CDKAL1: variants seen among roughly 807,000 people sequenced by gnomAD.
CDKAL1 encodes the protein CDKAL1 threonylcarbamoyladenosine tRNA methylthiotransferase.
CDKAL1 carries 32 observed loss-of-function variants against 68.2 expected under a neutral mutation model. The ratio of observed to expected loss-of-function variants is 0.47; its 90% confidence interval spans 0.35 to 0.63. The LOEUF (loss-of-function observed/expected upper bound fraction) is 0.63. Ranked by LOEUF, CDKAL1 falls within the 30% of genes least tolerant of loss-of-function variation. The pLI is 0.00. For synonymous variants in CDKAL1, 234 were observed against 244.3 expected, an observed-to-expected ratio of 0.96 and a Z score of 0.39; for missense variants, 606 against 696.7, an observed-to-expected ratio of 0.87 and a Z score of 1.47.
intron 8 of CDKAL1, among the ~76,000 whole-genome samples, chr6:20,792,364 T>C (rs544317085): frequency 3.3e-5 from 5 of 152,336 alleles, no homozygotes; most frequent in African/African-American, 7.2e-5. Flanking sequence ...TTTTAAACAA[T>C]GTATGTACCT....
At chr6:20,660,512 C>A (rs1769238190) in intron 5 of CDKAL1, among the ~76,000 whole-genome samples, 1 of 152,146 alleles carries the variant, frequency 6.6e-6, no homozygotes, top group Non-Finnish European at 1.5e-5. Context: ...ATATTGTATT[C>A]CTGAGGGAAG....
chr6:21,098,015 A>G (rs888646486), intron 12 of CDKAL1, among the ~76,000 whole-genome samples: 1 of 152,150 alleles, frequency 6.6e-6, no homozygotes, highest in African/African-American at 2.4e-5. Flanking sequence ...TTAAGTAATT[A>G]TTTCTTCCCA....
At chr6:20,727,172 C>T (rs1311591145) in intron 5 of CDKAL1, among the ~76,000 whole-genome samples, 2 of 152,084 alleles carry the variant, frequency 1.3e-5, no homozygotes. Flanking sequence ...ACCCTTGACC[C>T]ACAGGTAACT....
At chr6:21,099,756 C>G (rs1773489522) in intron 12 of CDKAL1, among the ~76,000 whole-genome samples, 1 of 152,220 alleles carries the variant, frequency 6.6e-6, no homozygotes, top group Middle Eastern at 3.2e-3. Flanking sequence ...ATGTGGTGTA[C>G]TTAGTGCCCT....
rs115895715 is a variant in CDKAL1, at chr6:21,170,648, A to C, written c.1300-27373A>C. On this transcript the variant is annotated intron_variant, in intron 13 of 15. Coordinates refer to ENST00000274695, the MANE Select transcript of CDKAL1 (RefSeq NM_017774.3). ...CGACCGTACTTACCGGTTTTTAAAT[A>C]TTTTCTTTCTTATTAAGTTTGGCAT... Among the ~76,000 whole-genome samples the C allele has an allele frequency of 6.9e-3, 1,047 of 151,844 alleles. 7 individuals carry two copies. The highest frequency in any genetic ancestry group is 0.023 in the African/African-American group (953 of 41,386).
At chr6:20,748,319 T>G (rs2150335560) in intron 6 of CDKAL1, among the ~76,000 whole-genome samples, 1 of 151,878 alleles carries the variant, frequency 6.6e-6, no homozygotes, top group South Asian at 2.1e-4. Context: ...TGAAACCTTG[T>G]CTCTAAAATA....
chr6:21,222,640 T>C (rs1779579199), intron 15 of CDKAL1, among the ~76,000 whole-genome samples: 1 of 152,128 alleles, frequency 6.6e-6, no homozygotes, highest in South Asian at 2.1e-4. Flanking sequence ...AGGAGAAAGA[T>C]AGCTTGGCAC....
intron 9 of CDKAL1, among the ~76,000 whole-genome samples, chr6:20,904,028 A>T (rs1206080844): frequency 2.0e-5 from 3 of 152,196 alleles, no homozygotes; most frequent in African/African-American, 7.2e-5. Context: ...GCCTTGGGGT[A>T]GGCAGCCATA....
chr6:20,694,058 G>GTA (rs1770997554), intron 5 of CDKAL1, among the ~76,000 whole-genome samples: 2 of 85,570 alleles, frequency 2.3e-5, no homozygotes, highest in African/African-American at 1.0e-4. Context: ...GTGTGTGTGT[G>GTA]TGTATGTGTG....
intron 9 of CDKAL1, among the ~76,000 whole-genome samples, chr6:20,941,242 C>T (rs1330465445): frequency 6.6e-6 from 1 of 152,024 alleles, no homozygotes; most frequent in Non-Finnish European, 1.5e-5. Context: ...TGGTTTTCTT[C>T]AATCATTTCT....
At chr6:20,969,824 C>T (rs897349346) in intron 10 of CDKAL1, among the ~76,000 whole-genome samples, 13 of 152,282 alleles carry the variant, frequency 8.5e-5, no homozygotes, top group African/African-American at 2.9e-4. Flanking sequence ...ATTTGGTTCT[C>T]AGCATGTGCA....
intron 13 of CDKAL1, among the ~76,000 whole-genome samples, chr6:21,118,492 A>G (rs987793501): frequency 1.2e-4 from 19 of 152,170 alleles, no homozygotes; most frequent in Non-Finnish European, 8.8e-5. Context: ...CCATTTCCAG[A>G]TTTCTGTTTA....
chr6:20,903,567 T>C (rs1762102989), intron 9 of CDKAL1, among the ~76,000 whole-genome samples: 1 of 152,226 alleles, frequency 6.6e-6, no homozygotes, highest in Non-Finnish European at 1.5e-5. Context: ...TCAATCATGA[T>C]TGCATTTTCT....
At chr6:20,693,161 A>G (rs1042197736) in intron 5 of CDKAL1, among the ~76,000 whole-genome samples, 1 of 145,226 alleles carries the variant, frequency 6.9e-6, no homozygotes, top group Admixed American at 6.9e-5. Context: ...AAAAAAAGAC[A>G]GTTGGGGCTT....
intron 10 of CDKAL1, among the ~76,000 whole-genome samples, chr6:20,994,354 C>T (rs191453193): frequency 6.6e-6 from 1 of 152,280 alleles, no homozygotes; most frequent in African/African-American, 2.4e-5. Flanking sequence ...TGGCAGGCAC[C>T]TGTAATCCCA....
chr6:20,609,300 C>CCTTCTT (rs146820654), intron 4 of CDKAL1, among the ~76,000 whole-genome samples: 18 of 144,898 alleles, frequency 1.2e-4, no homozygotes, highest in East Asian at 2.0e-4. Flanking sequence ...TTCTCCTTCT[C>CCTTCTT]CTCCTCCTCC....
At chr6:21,098,534 CTTTTT>C (rs34764667) in intron 12 of CDKAL1, among the ~76,000 whole-genome samples, 50 of 80,962 alleles carry the variant, frequency 6.2e-4, no homozygotes, top group African/African-American at 1.9e-3. Flanking sequence ...GGGTACACAG[CTTTTT>C]TTTTTTTTTT....
rs1386332417 is a variant in CDKAL1 at position 20,614,782 on chromosome 6, T to A, written c.287-34511T>A. ...TCAAAAGATAATCAAATATTTGACT[T>A]TTTTTGTTTATTATACTTTAAGTTT... On this transcript the variant is annotated intron_variant, in intron 4 of 15. Coordinates refer to ENST00000274695, the MANE Select transcript of CDKAL1 (RefSeq NM_017774.3). 2.6e-5 allele frequency among the ~76,000 whole-genome samples: 4 copies of A among 152,322 alleles called. No homozygotes were observed. The East Asian group carries it at 7.7e-4, about 29-fold the overall frequency.
intron 13 of CDKAL1, among the ~76,000 whole-genome samples, chr6:21,187,833 A>G (rs1013614340): frequency 6.6e-6 from 1 of 152,212 alleles, no homozygotes; most frequent in African/African-American, 2.4e-5. Flanking sequence ...AAAGTGACCT[A>G]TTAAATGTTA....
Sources: allele counts gnomAD v4.1 joint callset (sites outside exome capture counted in the v4.1 genomes callset), GRCh38; gene constraint gnomAD v4.1.1; transcripts MANE v1.5; gene names NCBI Gene and HGNC (gene_info 2026-07-23, HGNC 2026-07-21).